Variants in TBC1D4 observed in about 807,000 individuals in gnomAD.
TBC1D4 encodes the protein TBC (Tre-2, BUB2, CDC16) domain-containing protein.
TBC1D4 carries 121 observed loss-of-function variants against 142.5 expected under a neutral mutation model. The ratio of observed to expected loss-of-function variants is 0.85; its 90% CI spans 0.73 to 0.99. The LOEUF is 0.99. TBC1D4 is among the 50% of genes least tolerant of loss of function. TBC1D4 has a pLI of 0.00. For synonymous variants in TBC1D4, 630 were observed against 628.2 expected, an observed-to-expected ratio of 1.00 and a Z score of -0.04; for missense variants, 1,475 against 1,606.6, an observed-to-expected ratio of 0.92 and a Z score of 1.40.
intron 1 of TBC1D4, among the ~76,000 whole-genome samples, chr13:75,384,574 T>G (rs2138271269): frequency 7.0e-6 from 1 of 142,276 alleles, no homozygotes; most frequent in African/African-American, 2.6e-5. Flanking sequence ...AAAAAAAAAG[T>G]TTCTTTAAAA....
At chr13:75,372,575 G>T (rs1883276390) in intron 1 of TBC1D4, among the ~76,000 whole-genome samples, 1 of 152,056 alleles carries the variant, frequency 6.6e-6, no homozygotes, top group Admixed American at 6.6e-5. Flanking sequence ...TGGCCCTAAG[G>T]CTCATTTTTT....
intron 13 of TBC1D4, 144 bp downstream of exon 13, chr13:75,312,594 C>T: frequency 9.2e-7 from 1 of 1,089,038 alleles, no homozygotes; most frequent in South Asian, 1.4e-5. Context: ...TCTAATGATA[C>T]CTGAAAGAGA....
At chr13:75,301,548 G>C (rs1876548165) in intron 16 of TBC1D4, among the ~76,000 whole-genome samples, 1 of 151,998 alleles carries the variant, frequency 6.6e-6, no homozygotes, top group Non-Finnish European at 1.5e-5. Flanking sequence ...AGGAGGCTGA[G>C]GCAGGAGAAT....
intron 20 of TBC1D4, among the ~76,000 whole-genome samples, 165 bp from the exon 21 acceptor site, chr13:75,287,190 G>A (rs563892677): frequency 3.5e-4 from 53 of 152,250 alleles, no homozygotes; most frequent in South Asian, 1.2e-3. Context: ...TCACAAAGAT[G>A]TAACTATGGA....
At chr13:75,475,829 T>TA (rs1888609760) in intron 1 of TBC1D4, among the ~76,000 whole-genome samples, 1 of 152,238 alleles carries the variant, frequency 6.6e-6, no homozygotes, top group Non-Finnish European at 1.5e-5. Flanking sequence ...GTATCACTTA[T>TA]CCAACATACT....
chr13:75,468,993 G>A (rs754791134), intron 1 of TBC1D4, among the ~76,000 whole-genome samples: 35 of 152,130 alleles, frequency 2.3e-4, no homozygotes, highest in Non-Finnish European at 4.0e-4. Context: ...AAAACAAATG[G>A]CTGAGACAGA....
rs190361528 is a variant in TBC1D4 at position 75,376,541 on chromosome 13, C to T, written c.499-13934G>A. Among the ~76,000 whole-genome samples, 314 of 152,224 alleles carry T rather than the reference C, an allele frequency of 2.1e-3. 1 individual carries two copies. Among genetic ancestry groups the T allele is most frequent in the African/African-American group, 7.3e-3 (302 of 41,528 alleles). On this transcript the variant is annotated intron_variant, in intron 1 of 20. Coordinates refer to ENST00000377636, the MANE Select transcript of TBC1D4 (RefSeq NM_014832.5). Reference sequence around the variant, plus strand: ...TACAGGCATGTGCCACCATGTCTGGCTAATTTTTGTATTTTTAGTAGAGAC... The same window carrying T: ...TACAGGCATGTGCCACCATGTCTGGTTAATTTTTGTATTTTTAGTAGAGAC...
intron 1 of TBC1D4, among the ~76,000 whole-genome samples, chr13:75,464,980 A>T (rs1888110865): frequency 1.3e-5 from 2 of 152,112 alleles, no homozygotes; most frequent in Admixed American, 1.3e-4. Context: ...GAAATTGAAA[A>T]TTTGTAGTTA....
At chr13:75,383,299 G>C (rs1883965509) in intron 1 of TBC1D4, among the ~76,000 whole-genome samples, 1 of 152,066 alleles carries the variant, frequency 6.6e-6, no homozygotes, top group African/African-American at 2.4e-5. Context: ...CTCCAGTCTG[G>C]GCAACAGAGT....
At chr13:75,410,408 A>G (rs1593856253) in intron 1 of TBC1D4, among the ~76,000 whole-genome samples, 1 of 152,088 alleles carries the variant, frequency 6.6e-6, no homozygotes, top group African/African-American at 2.4e-5. Context: ...ACCCTTAAAT[A>G]CCACAGCCCG....
chr13:75,319,422 G>A (rs911311183), intron 12 of TBC1D4, among the ~76,000 whole-genome samples: 2 of 152,192 alleles, frequency 1.3e-5, no homozygotes, highest in African/African-American at 4.8e-5. Context: ...CACAAAAAAA[G>A]CATGTGAGTC....
intron 1 of TBC1D4, among the ~76,000 whole-genome samples, chr13:75,439,582 CTTCT>C (rs1453917270): frequency 6.6e-6 from 1 of 152,144 alleles, no homozygotes; most frequent in East Asian, 1.9e-4. Flanking sequence ...TCAATCTATG[CTTCT>C]TTATTTCAAT....
At chr13:75,457,289 G>A (rs1887776415) in intron 1 of TBC1D4, among the ~76,000 whole-genome samples, 1 of 152,012 alleles carries the variant, frequency 6.6e-6, no homozygotes, top group Non-Finnish European at 1.5e-5. Flanking sequence ...AGACCTTAGG[G>A]CCAGGGTCCT....
At chr13:75,359,666 CA>C (rs1882338784) in intron 3 of TBC1D4, 102 bp downstream of exon 3, 77 of 936,404 alleles carry the variant, frequency 8.2e-5, no homozygotes, top group Middle Eastern at 2.9e-4. Context: ...ATTTAAATTT[CA>C]AAAAAAATTA....
chr13:75,294,711 C>T (rs1283885493), intron 18 of TBC1D4, 143 bp downstream of exon 18: 2 of 860,776 alleles, frequency 2.3e-6, no homozygotes, highest in African/African-American at 1.7e-5. Flanking sequence ...AGAACACAGC[C>T]AGGCACATTT....
chr13:75,452,660 T>C (rs1028355906), intron 1 of TBC1D4, among the ~76,000 whole-genome samples: 20 of 152,184 alleles, frequency 1.3e-4, no homozygotes, highest in African/African-American at 4.3e-4. Context: ...TTTTACAAAT[T>C]GCCGTAAGTG....
intron 15 of TBC1D4, among the ~76,000 whole-genome samples, chr13:75,303,211 C>T (rs1487973162): frequency 2.6e-5 from 4 of 151,788 alleles, no homozygotes; most frequent in South Asian, 2.1e-4. Context: ...CAGCTACTCG[C>T]GAGGCTGAGG....
chr13:75,415,391 C>G (rs1234216341), intron 1 of TBC1D4, among the ~76,000 whole-genome samples: 1 of 152,166 alleles, frequency 6.6e-6, no homozygotes, highest in Non-Finnish European at 1.5e-5. Context: ...ATTTCCAGTA[C>G]AGATGAGTAA....
intron 20 of TBC1D4, 107 bp downstream of exon 20, chr13:75,288,827 G>A (rs780025255): frequency 2.2e-4 from 260 of 1,180,480 alleles, no homozygotes; most frequent in Non-Finnish European, 3.0e-4. Context: ...ATGGGCTCTT[G>A]GTTAGCAATG....
Sources: allele counts gnomAD v4.1 joint callset (sites outside exome capture counted in the v4.1 genomes callset), GRCh38; gene constraint gnomAD v4.1.1; transcripts MANE v1.5; gene names NCBI Gene and HGNC (gene_info 2026-07-23, HGNC 2026-07-21).